Variants in ORC4 observed in about 807,000 individuals in gnomAD.
The protein encoded by ORC4 is origin recognition complex subunit 4, also known as origin recognition complex, subunit 4 homolog.
Under a neutral mutation model 63.9 loss-of-function variants are expected in ORC4, and 55 were observed. The observed-to-expected ratio is 0.86, with a 90% CI of 0.69 to 1.08. The LOEUF (loss-of-function observed/expected upper bound fraction) is 1.08. ORC4 is among the 50% of genes least tolerant of loss of function. ORC4 has a pLI of 0.00. For synonymous variants in ORC4, 150 were observed against 168.5 expected, an observed-to-expected ratio of 0.89 and a Z score of 0.85; for missense variants, 511 against 504.4, an observed-to-expected ratio of 1.01 and a Z score of -0.13.
At chr2:147,972,186 TATG>T (rs1265095741) in intron 4 of ORC4, among the ~76,000 whole-genome samples, 1 of 151,910 alleles carries the variant, frequency 6.6e-6, no homozygotes, top group East Asian at 1.9e-4. Flanking sequence ...ACTAAGCAAA[TATG>T]ATAAAGAGCA....
At chr2:147,945,510 C>T (rs974765802) in intron 9 of ORC4, among the ~76,000 whole-genome samples, 1 of 152,062 alleles carries the variant, frequency 6.6e-6, no homozygotes, top group Non-Finnish European at 1.5e-5. Context: ...TCAACAACCA[C>T]ATAAGCTACA....
chr2:148,009,611 C>T (rs1692831078), intron 1 of ORC4, among the ~76,000 whole-genome samples: 2 of 151,882 alleles, frequency 1.3e-5, no homozygotes, highest in African/African-American at 4.8e-5. Flanking sequence ...GAGACAGAAC[C>T]CAATACAGTA....
At chr2:148,010,055 T>C (rs917561030) in intron 1 of ORC4, among the ~76,000 whole-genome samples, 2 of 152,158 alleles carry the variant, frequency 1.3e-5, no homozygotes, top group Non-Finnish European at 2.9e-5. Flanking sequence ...AGTGGAACTT[T>C]GGAAACTATA....
In ORC4 at chr2:147,931,139, GAA is replaced by G. The variant is rs1185075034; in HGVS notation, c.*4369_*4370del. 6.7e-6 allele frequency: 1 copy of G among 149,810 alleles called. No individual in the cohort carries two copies. The highest frequency in any genetic ancestry group is 1.5e-5 in the Non-Finnish European group (1 of 67,586). 9.3% of individuals were successfully genotyped at this position (149,810 alleles called of 1,614,324 possible). ...TTTTGTTCTTGTGATAGTTTACTGAGAATGATGATTTCCAATTTCATCCATGT... is the reference window on the plus strand; with the variant it reads ...TTTTGTTCTTGTGATAGTTTACTGAGTGATGATTTCCAATTTCATCCATGT... On this transcript the variant is annotated 3_prime_UTR_variant, in exon 14 of 14. Transcript: ENST00000392857.
rs151025773 is a variant in ORC4 at position 147,935,528 on chromosome 2, G to A, written c.1293C>T (p.Ser431=). 1 of 1,613,210 alleles carries A rather than the reference G, an allele frequency of 6.2e-7. No homozygotes were observed. The highest frequency in any genetic ancestry group is 1.3e-5 in the African/African-American group (1 of 74,896). Residue 431 remains serine (S), a synonymous_variant, in exon 14 of 14, where the codon TCC becomes TCT. Coordinates refer to ENST00000392857, the MANE Select transcript of ORC4 (RefSeq NM_181741.4). ...GTTATATTCATAACCAGCTTAGTGAGGATGTTGCCCACTGCCTCACATCTG... is the reference window on the plus strand; with the variant it reads ...GTTATATTCATAACCAGCTTAGTGAAGATGTTGCCCACTGCCTCACATCTG... The part of the protein sequence containing the change: ...CPTDVRQWAT[S]SLSWL
intron 1 of ORC4, among the ~76,000 whole-genome samples, chr2:148,013,582 A>G (rs1693098992): frequency 6.6e-6 from 1 of 152,208 alleles, no homozygotes; most frequent in South Asian, 2.1e-4. Flanking sequence ...TGGAAATGAA[A>G]TGTCCCTAAC....
At chr2:147,981,602 C>T (rs538094361) in intron 1 of ORC4, among the ~76,000 whole-genome samples, 6 of 152,022 alleles carry the variant, frequency 3.9e-5, no homozygotes, top group Non-Finnish European at 8.8e-5. Flanking sequence ...TGTGAGGTAA[C>T]AGATATATTA....
intron 1 of ORC4, among the ~76,000 whole-genome samples, chr2:148,007,375 T>G (rs1318158444): frequency 1.3e-5 from 2 of 152,072 alleles, no homozygotes; most frequent in Non-Finnish European, 2.9e-5. Context: ...AAATTCAGAA[T>G]TATATCAGAG....
At position 147,947,447 on chromosome 2, in the gene ORC4, A is replaced by G. The variant is rs572964266; in HGVS notation, c.762+604T>C. Among the ~76,000 whole-genome samples the G allele has an allele frequency of 2.4e-3, 367 of 152,204 alleles. 1 individual carries two copies. Among genetic ancestry groups the G allele is most frequent in the South Asian group, 0.011 (52 of 4,828 alleles). ...ATGCTAGTGTGTTGAGAATATTTTA[A>G]GCACAGGTAAATTTATAGTCTCAAA... is the stretch of plus-strand genomic sequence containing the variant. On this transcript the variant is annotated intron_variant, in intron 9 of 13. Coordinates refer to ENST00000392857, the MANE Select transcript of ORC4 (RefSeq NM_181741.4).
At chr2:147,961,670 G>A (rs945144751) in intron 4 of ORC4, among the ~76,000 whole-genome samples, 14 of 151,982 alleles carry the variant, frequency 9.2e-5, no homozygotes, top group Admixed American at 9.2e-4. Context: ...GCCATGCAAG[G>A]GACTCTTCCA....
At chr2:147,953,656 T>G (rs953492755) in intron 7 of ORC4, among the ~76,000 whole-genome samples, 1 of 152,178 alleles carries the variant, frequency 6.6e-6, no homozygotes, top group Non-Finnish European at 1.5e-5. Flanking sequence ...GAAGCACAAC[T>G]TTTAGCATTT....
intron 2 of ORC4, among the ~76,000 whole-genome samples, chr2:147,974,963 GTATTGA>G (rs1259125911): frequency 6.6e-6 from 1 of 152,058 alleles, no homozygotes; most frequent in South Asian, 2.1e-4. Context: ...GTATACACAT[GTATTGA>G]TATTAAGTCA....
At chr2:147,951,539 C>T (rs1023654063) in intron 8 of ORC4, 1 of 152,192 alleles carries the variant, frequency 6.6e-6, no homozygotes, top group African/African-American at 2.4e-5. Context: ...TTCGTTTTTG[C>T]ACATTTCGGT....
chr2:148,011,936 A>G (rs1174378798), intron 1 of ORC4, among the ~76,000 whole-genome samples: 2 of 152,086 alleles, frequency 1.3e-5, no homozygotes, highest in Non-Finnish European at 2.9e-5. Context: ...CATTGATGAA[A>G]TTAATTGAAG....
chr2:148,016,931 G>A (rs1489048134), intron 1 of ORC4, among the ~76,000 whole-genome samples: 1 of 152,120 alleles, frequency 6.6e-6, no homozygotes. Context: ...CCACAAATCT[G>A]TAATATCCCC....
At chr2:148,007,273 C>G (rs975671605) in intron 1 of ORC4, among the ~76,000 whole-genome samples, 1 of 152,118 alleles carries the variant, frequency 6.6e-6, no homozygotes, top group African/African-American at 2.4e-5. Context: ...CAGACTAATC[C>G]TGGAGCAATA....
At chr2:147,938,775 C>A in intron 11 of ORC4, 1 of 328,372 alleles carries the variant, frequency 3.0e-6, no homozygotes, top group Non-Finnish European at 5.7e-6. Flanking sequence ...GAAATTATAT[C>A]CAAATCTGTG....
intron 9 of ORC4, among the ~76,000 whole-genome samples, chr2:147,945,052 A>G (rs990190851): frequency 6.6e-6 from 1 of 152,110 alleles, no homozygotes; most frequent in African/African-American, 2.4e-5. Context: ...TAAAATTGCA[A>G]TATGGAAGAT....
intron 1 of ORC4, among the ~76,000 whole-genome samples, chr2:147,988,792 C>A (rs201828590): frequency 6.5e-4 from 93 of 143,022 alleles, no homozygotes; most frequent in Non-Finnish European, 6.9e-4. Flanking sequence ...AAACAAAAAG[C>A]AAAAAAAAAA....
Sources: gnomAD v4.1 joint callset for allele counts (sites outside exome capture counted in the v4.1 genomes callset) on GRCh38, gnomAD v4.1.1 for gene constraint, MANE v1.5 for transcripts, NCBI Gene and HGNC (gene_info 2026-07-23, HGNC 2026-07-21) for gene names.